Variants in DNAH5 observed in about 807,000 individuals in gnomAD.
DNAH5 encodes the protein dynein axonemal heavy chain 5.
A neutral mutation model predicts 518.2 loss-of-function variants in DNAH5; 372 were observed. The ratio of observed to expected loss-of-function variants is 0.72; its 90% CI spans 0.66 to 0.78. The LOEUF (loss-of-function observed/expected upper bound fraction) is 0.78, where lower values mean the gene tolerates loss of function less well. DNAH5 is among the 30% of genes least tolerant of loss of function. The pLI, the probability that DNAH5 is intolerant of heterozygous loss-of-function variation, is 0.00. For synonymous variants in DNAH5, 2,039 were observed against 2,025.9 expected (o/e 1.01, Z -0.17); for missense variants, 5,523 against 5,687.0 (o/e 0.97, Z 0.93).
At chr5:13,731,928 T>A (rs1746612990) in intron 68 of DNAH5, among the ~76,000 whole-genome samples, 1 of 151,944 alleles carries the variant, frequency 6.6e-6, no homozygotes, top group Admixed American at 6.6e-5. Flanking sequence ...AACCCAGAAG[T>A]TTGAGACCAG....
At chr5:13,966,001 C>G (rs534587567) in intron 1 of DNAH5, among the ~76,000 whole-genome samples, 33 of 152,018 alleles carry the variant, frequency 2.2e-4, no homozygotes, top group African/African-American at 8.0e-4. Context: ...TCCTTTCCCC[C>G]AATCCCTAAT....
chr5:13,868,855 T>C (rs1247175566), intron 24 of DNAH5, among the ~76,000 whole-genome samples: 2 of 151,904 alleles, frequency 1.3e-5, no homozygotes, highest in East Asian at 1.9e-4. Flanking sequence ...CACTAGCTCA[T>C]AATGTGTGTG....
rs770507423 is a variant in DNAH5, at chr5:13,865,756, T to C, written c.4267A>G (p.Ile1423Val). 70 of 1,606,512 alleles carry C rather than the reference T, an allele frequency of 4.4e-5. No homozygotes were observed. The highest frequency in any genetic ancestry group is 5.8e-5 in the Non-Finnish European group (68 of 1,173,208). ...TCATAATAGCTATTTACAGTTTCTATGACACTGTTGTACAGAGTATATATT... is the reference window on the plus strand; with the variant it reads ...TCATAATAGCTATTTACAGTTTCTACGACACTGTTGTACAGAGTATATATT... ...QKIYTLYNSV[I>V]ETVNSYYDIL... is the part of the protein sequence containing the mutation. The change falls in exon 27 of 79, where the codon ATA (isoleucine) becomes GTA (valine). Residue 1423 changes from isoleucine to valine, a missense_variant. Physicochemically the swap from Ile to Val is conservative, Grantham distance 29 (BLOSUM62 3). This residue lies in a region of DNAH5 where 5,121 missense variants were observed against 5,223.3 expected (regional missense o/e 0.98). Transcript: ENST00000265104.
chr5:13,747,835 C>T (rs988118670), intron 65 of DNAH5, among the ~76,000 whole-genome samples: 2 of 152,102 alleles, frequency 1.3e-5, no homozygotes, highest in Admixed American at 1.3e-4. Flanking sequence ...CTGTAGGTTG[C>T]CTGTTCACTC....
intron 1 of DNAH5, among the ~76,000 whole-genome samples, chr5:14,011,476 A>G (rs1785115158): frequency 6.6e-6 from 1 of 152,218 alleles, no homozygotes; most frequent in African/African-American, 2.4e-5. Context: ...TAAAAGGTCA[A>G]GAAAGTGCTT....
At chr5:13,725,429 T>C (rs1228510378) in intron 70 of DNAH5, among the ~76,000 whole-genome samples, 1 of 152,094 alleles carries the variant, frequency 6.6e-6, no homozygotes, top group Non-Finnish European at 1.5e-5. Flanking sequence ...CCATAATAAC[T>C]GATGTAAGAG....
intron 68 of DNAH5, 58 bp from the exon 69 acceptor site, chr5:13,729,618 T>C: frequency 7.0e-7 from 1 of 1,427,210 alleles, no homozygotes; most frequent in Non-Finnish European, 9.6e-7. Context: ...AAACAATCTA[T>C]TTAGTAAAAT....
rs768881056 is a variant in DNAH5 at position 13,876,737 on chromosome 5, CTT to C, written c.3341_3342del (p.Lys1114ArgfsTer10). On this transcript the variant is annotated frameshift_variant, in exon 22 of 79. Coordinates refer to ENST00000265104, the MANE Select transcript of DNAH5 (RefSeq NM_001369.3). LOFTEE classifies it high-confidence loss of function. ...KNYYKNVSEN[K>X]EIVKLVSVLS... ...AGCACAGAAACTAATTTTACAATCT[CTT>C]TGTTTTCAGAAACATTCTTATAATA... 6.2e-7 allele frequency: 1 copy of C among 1,613,870 alleles called. No homozygotes were observed. The highest frequency in any genetic ancestry group is 1.7e-5 in the Admixed American group (1 of 59,954).
At position 13,821,120 on chromosome 5, in the gene DNAH5, G is replaced by A. The variant is rs74657000; in HGVS notation, c.6688-621C>T. 4.1e-3 allele frequency among the ~76,000 whole-genome samples: 631 copies of A among 152,174 alleles called. 6 individuals carry two copies. The highest frequency in any genetic ancestry group is 0.015 in the African/African-American group (609 of 41,544). ...ACATATTTACATAGACAAAAATCTG[G>A]CTGAATGTAATGAAGATGTTATCCT... On this transcript the variant is annotated intron_variant, in intron 40 of 78. Transcript: ENST00000265104.
intron 52 of DNAH5, among the ~76,000 whole-genome samples, chr5:13,785,589 G>A (rs766676609): frequency 3.9e-5 from 6 of 151,998 alleles, no homozygotes; most frequent in Non-Finnish European, 7.4e-5. Context: ...ACATTGTTGT[G>A]CAACTATCAG....
rs1781343273 is a variant in DNAH5, at chr5:13,963,710, T to C, written c.13-32466A>G. On this transcript the variant is annotated intron_variant, in intron 1 of 78. Transcript: ENST00000681290. ...ATATACTCTTATACCCGAACATTAA[T>C]AAAATTGCTCTCCCCACTACCCCCC... is the stretch of plus-strand genomic sequence containing the variant. 2.6e-5 allele frequency among the ~76,000 whole-genome samples: 4 copies of C among 152,146 alleles called. No individual in the cohort carries two copies. In the South Asian group the frequency reaches 8.3e-4, roughly 32 times the overall value.
chr5:13,766,579 G>C (rs931800871), intron 58 of DNAH5, among the ~76,000 whole-genome samples: 2 of 152,206 alleles, frequency 1.3e-5, no homozygotes, highest in African/African-American at 4.8e-5. Context: ...TGTAGGTCAA[G>C]AATCTGCCTC....
rs2126454326 is a variant in DNAH5 at position 13,707,998 on chromosome 5, G to A, written c.13338+125C>T. ...TATGGTCTAAAAATACAGGGCTACA[G>A]GGGGCTTCGTCCCTGTGCAAAAGAA... On this transcript the variant is annotated intron_variant, in intron 76 of 78. Coordinates refer to ENST00000265104, the MANE Select transcript of DNAH5 (RefSeq NM_001369.3). This position sits in a 1 kb window ranked among gnomAD's most constrained non-coding sequence, Gnocchi z 4.0. The A allele has an allele frequency of 8.7e-7, 1 of 1,147,688 alleles. No individual in the cohort carries two copies. Among genetic ancestry groups the A allele is most frequent in the Non-Finnish European group, 1.3e-6 (1 of 765,872 alleles). The allele number at this position is 1,147,688 out of a possible 1,614,324, so 71.1% of individuals were successfully genotyped here.
At position 13,796,966 on chromosome 5, in the gene DNAH5, A is replaced by C. The variant is rs1435549682; in HGVS notation, c.7888-2908T>G. On this transcript the variant is annotated intron_variant, in intron 47 of 78. Coordinates refer to ENST00000265104, the MANE Select transcript of DNAH5 (RefSeq NM_001369.3). ...GAAATGAGGAAAGGATTCCCTATTT[A>C]ATAAATGGTGCTGGGAAAACTGGCT... Among the ~76,000 whole-genome samples the C allele has an allele frequency of 2.0e-5, 3 of 152,252 alleles. No individual in the cohort carries two copies. In the East Asian group the frequency reaches 5.8e-4, roughly 29 times the overall value.
intron 14 of DNAH5, chr5:13,900,857 A>T (rs1774509605): frequency 3.1e-6 from 1 of 320,142 alleles, no homozygotes; most frequent in Non-Finnish European, 5.9e-6. Flanking sequence ...TATTGGTAGG[A>T]TATGCTATGA....
chr5:13,842,024 G>A, intron 32 of DNAH5, 120 bp from the exon 33 acceptor site: 1 of 662,924 alleles, frequency 1.5e-6, no homozygotes, highest in Non-Finnish European at 2.6e-6. Flanking sequence ...TACTGTAAAA[G>A]CCAAATATAA....
intron 12 of DNAH5, among the ~76,000 whole-genome samples, chr5:13,910,463 G>A (rs1278867979): frequency 6.6e-6 from 1 of 152,230 alleles, no homozygotes; most frequent in Non-Finnish European, 1.5e-5. Flanking sequence ...CTCCCAAGGT[G>A]TCTCAGAGCT....
chr5:13,865,767 TAC>T lies in DNAH5; in HGVS notation c.4254_4255del (p.Tyr1419GlnfsTer9). 6.2e-7 allele frequency: 1 copy of T among 1,609,034 alleles called. No homozygotes were observed. Among genetic ancestry groups the T allele is most frequent in the Non-Finnish European group, 8.5e-7 (1 of 1,175,396 alleles). The stretch of plus-strand genomic sequence containing the variant: ...ATTTACAGTTTCTATGACACTGTTG[TAC>T]AGAGTATATATTTTCTGTAGAAGAT... On this transcript the variant is annotated frameshift_variant, in exon 27 of 79. Transcript: ENST00000265104. LOFTEE classifies it high-confidence loss of function.
In DNAH5 at chr5:13,780,917, C is replaced by T. The variant is rs759756803; in HGVS notation, c.8863G>A (p.Val2955Ile). The change falls in exon 53 of 79, where the codon GTC (valine) becomes ATC (isoleucine). Residue 2955 changes from valine to isoleucine, a missense_variant. By Grantham distance (29) the Val-to-Ile change is conservative. Transcript: ENST00000265104. Reference sequence around the variant, plus strand: ...TGCTTTCCTGATCCGCCCACCCCGACCAGGAGGGCATTTCCCTGAGGAGTA... The same window carrying T: ...TGCTTTCCTGATCCGCCCACCCCGATCAGGAGGGCATTTCCCTGAGGAGTA... ...IRTPQGNALL[V>I]GVGGSGKQSL... 27 of 1,613,596 alleles carry T rather than the reference C, an allele frequency of 1.7e-5. No individual in the cohort carries two copies. Among genetic ancestry groups the T allele is most frequent in the African/African-American group, 2.7e-5 (2 of 74,874 alleles).
Sources: allele counts gnomAD v4.1 joint callset (sites outside exome capture counted in the v4.1 genomes callset), GRCh38; gene constraint gnomAD v4.1.1; regional missense constraint gnomAD v4.1.1; non-coding constraint Gnocchi (gnomAD v3.1); transcripts MANE v1.5; gene names NCBI Gene and HGNC (gene_info 2026-07-23, HGNC 2026-07-21).